GRIA1: variants seen among roughly 807,000 people sequenced by gnomAD.
The protein encoded by GRIA1 is glutamate ionotropic receptor AMPA type subunit 1, also known as glutamate receptor 1.
A neutral mutation model predicts 99.2 loss-of-function variants in GRIA1; 31 were observed. The ratio of observed to expected loss-of-function variants is 0.31; its 90% CI spans 0.23 to 0.42. The LOEUF (loss-of-function observed/expected upper bound fraction) is 0.42, where lower values mean the gene tolerates loss of function less well. Among genes scored for constraint, GRIA1 ranks in the 10% least tolerant of loss-of-function variants. GRIA1 has a pLI of 1.00. For missense variants in GRIA1, 782 were observed against 1,157.5 expected (o/e 0.68, Z 4.71); for synonymous variants, 438 against 432.4 (o/e 1.01, Z -0.16).
At chr5:153,686,072 T>A (rs190215878) in intron 7 of GRIA1, among the ~76,000 whole-genome samples, 153 bp from the exon 8 acceptor site, 65 of 152,318 alleles carry the variant, frequency 4.3e-4, no homozygotes, top group African/African-American at 1.5e-3. Context: ...CCCTTGCCTG[T>A]GGCAAGGGAG....
chr5:153,647,284 T>G, intron 3 of GRIA1, 117 bp downstream of exon 3: 1 of 1,260,716 alleles, frequency 7.9e-7, no homozygotes, highest in South Asian at 1.4e-5. Context: ...TCCAAAATGC[T>G]TTATTTCTGA....
At chr5:153,634,603 A>G (rs1040406346) in intron 2 of GRIA1, among the ~76,000 whole-genome samples, 10 of 152,180 alleles carry the variant, frequency 6.6e-5, no homozygotes, top group African/African-American at 2.2e-4. Flanking sequence ...TCAGAGCCTC[A>G]GAGTTCAAAG....
rs572423389 is a variant in GRIA1, at chr5:153,608,721, C to CTTGTGGGT, written c.221-38207_221-38206insTTGTGGGT. ...TCTGATTACTCTATTATCTTGAGCC[C>CTTGTGGGT]CTGTGGGTCTATTCCTATTTTCTCT... On this transcript the variant is annotated intron_variant, in intron 2 of 15. Transcript: ENST00000285900. Among the ~76,000 whole-genome samples, 56 of 152,156 alleles carry CTTGTGGGT rather than the reference C, an allele frequency of 3.7e-4. No individual in the cohort carries two copies. In the East Asian group the frequency reaches 0.011, roughly 29 times the overall value.
chr5:153,726,584 A>T (rs1379190586), intron 11 of GRIA1, among the ~76,000 whole-genome samples: 3 of 152,342 alleles, frequency 2.0e-5, no homozygotes, highest in East Asian at 1.9e-4. Context: ...ACAGAAATAC[A>T]AACTACCATC....
rs189767412 is a variant in GRIA1, at chr5:153,669,707, T to G, written c.700-4793T>G. Among the ~76,000 whole-genome samples, 91 of 152,350 alleles carry G rather than the reference T, an allele frequency of 6.0e-4. 1 individual carries two copies. The highest frequency in any genetic ancestry group is 2.1e-3 in the African/African-American group (88 of 41,576). ...ATGCCCATTCTTTCCAATTCTATACTTCATAGAAGTAACTATTTTAAACCC... is the reference window on the plus strand; with the variant it reads ...ATGCCCATTCTTTCCAATTCTATACGTCATAGAAGTAACTATTTTAAACCC... On this transcript the variant is annotated intron_variant, in intron 5 of 15. Coordinates refer to ENST00000285900, the MANE Select transcript of GRIA1 (RefSeq NM_000827.4).
intron 11 of GRIA1, among the ~76,000 whole-genome samples, chr5:153,708,111 G>A (rs1365623724): frequency 2.0e-5 from 3 of 152,170 alleles, no homozygotes; most frequent in African/African-American, 4.8e-5. Context: ...ATCTCAGGGT[G>A]TGTTTTCTTT....
Position 153,511,531 on chromosome 5 carries a change from T to TACACAA in GRIA1, c.220+17469_220+17470insCAAACA, listed in dbSNP as rs374138917. ...AAACAAGAACTCAAGGTGCAACAGT[T>TACACAA]ACAAGTGTGTAATTTCTCATTGTGT... On this transcript the variant is annotated intron_variant, in intron 2 of 15. Transcript: ENST00000285900. Among the ~76,000 whole-genome samples, 120 of 152,342 alleles carry TACACAA rather than the reference T, an allele frequency of 7.9e-4. 1 individual carries two copies. The highest frequency in any genetic ancestry group is 2.8e-3 in the African/African-American group (116 of 41,580).
rs2963956 is a variant in GRIA1 at position 153,615,931 on chromosome 5, C to A, written c.221-30997C>A. ...ACCAATGATGCCAAATGTCTTCATCCCTTTATTTTGAAAGCACTATCTGTG... is the reference window on the plus strand; with the variant it reads ...ACCAATGATGCCAAATGTCTTCATCACTTTATTTTGAAAGCACTATCTGTG... On this transcript the variant is annotated intron_variant, in intron 2 of 15. Transcript: ENST00000285900. Among the ~76,000 whole-genome samples, 780 of 152,230 alleles carry A rather than the reference C, an allele frequency of 5.1e-3. 2 individuals are homozygous for A. Among genetic ancestry groups the A allele is most frequent in the Admixed American group, 9.9e-3 (152 of 15,300 alleles).
intron 2 of GRIA1, among the ~76,000 whole-genome samples, chr5:153,579,389 C>A (rs963618248): frequency 1.3e-5 from 2 of 152,114 alleles, no homozygotes; most frequent in East Asian, 3.9e-4. Context: ...TATTTAACCT[C>A]AAGAAATAAA....
chr5:153,691,364 G>T (rs1257925358), intron 8 of GRIA1, among the ~76,000 whole-genome samples: 2 of 152,168 alleles, frequency 1.3e-5, no homozygotes, highest in Non-Finnish European at 2.9e-5. Context: ...CGAAGAACTG[G>T]TATTGTTGAT....
intron 11 of GRIA1, among the ~76,000 whole-genome samples, chr5:153,736,189 A>G (rs1035256881): frequency 4.6e-5 from 7 of 152,206 alleles, no homozygotes; most frequent in African/African-American, 1.7e-4. Context: ...AAAACACAGG[A>G]AAGTCTGGAG....
intron 12 of GRIA1, among the ~76,000 whole-genome samples, chr5:153,765,390 A>T (rs1763452649): frequency 6.6e-6 from 1 of 152,232 alleles, no homozygotes. Context: ...AGGCAAAACA[A>T]GGAACAATCA....
intron 5 of GRIA1, among the ~76,000 whole-genome samples, chr5:153,671,946 C>T (rs1252632232): frequency 1.3e-5 from 2 of 152,168 alleles, no homozygotes; most frequent in African/African-American, 4.8e-5. Context: ...TGAGATAGAG[C>T]AGACTGGATA....
rs554315150 is a variant in GRIA1 at position 153,715,943 on chromosome 5, G to A, written c.1823+9876G>A. ...TCACTAACTACCTGTGTAACACAGGGCAACTCAGTCCTGGTCCCTGAATGG... is the reference window on the plus strand; with the variant it reads ...TCACTAACTACCTGTGTAACACAGGACAACTCAGTCCTGGTCCCTGAATGG... On this transcript the variant is annotated intron_variant, in intron 11 of 15. Coordinates refer to ENST00000285900, the MANE Select transcript of GRIA1 (RefSeq NM_000827.4). 5.3e-5 allele frequency among the ~76,000 whole-genome samples: 8 copies of A among 152,264 alleles called. No individual in the cohort carries two copies. The South Asian group carries it at 8.3e-4, about 16-fold the overall frequency.
chr5:153,551,310 G>A (rs1451356080), intron 2 of GRIA1, among the ~76,000 whole-genome samples: 2 of 151,824 alleles, frequency 1.3e-5, no homozygotes, highest in Non-Finnish European at 2.9e-5. Context: ...GTTGTAGAAT[G>A]ATATTATTCA....
At chr5:153,767,459 A>G (rs1053483149) in intron 12 of GRIA1, among the ~76,000 whole-genome samples, 2 of 152,212 alleles carry the variant, frequency 1.3e-5, no homozygotes, top group African/African-American at 4.8e-5. Flanking sequence ...ATGACATTTG[A>G]CAGTTTATTG....
At chr5:153,718,264 T>C (rs1009037293) in intron 11 of GRIA1, among the ~76,000 whole-genome samples, 6 of 151,930 alleles carry the variant, frequency 3.9e-5, no homozygotes, top group African/African-American at 1.5e-4. Flanking sequence ...AAAAGTGGGG[T>C]TAATAGTCAA....
chr5:153,797,931 C>T (rs1765751774), intron 14 of GRIA1, among the ~76,000 whole-genome samples: 1 of 152,006 alleles, frequency 6.6e-6, no homozygotes, highest in Non-Finnish European at 1.5e-5. Flanking sequence ...TTTTGCATTC[C>T]CTAAAGGTAT....
chr5:153,737,162 A>G (rs925510513), intron 11 of GRIA1, among the ~76,000 whole-genome samples: 1 of 152,090 alleles, frequency 6.6e-6, no homozygotes, highest in Admixed American at 6.6e-5. Context: ...TTATCTTATC[A>G]TAGTAATAAT....
Sources: allele counts gnomAD v4.1 joint callset (sites outside exome capture counted in the v4.1 genomes callset), GRCh38; gene constraint gnomAD v4.1.1; transcripts MANE v1.5; gene names NCBI Gene and HGNC (gene_info 2026-07-23, HGNC 2026-07-21).